RBBP8NL: variants seen among roughly 807,000 people sequenced by gnomAD.
RBBP8NL encodes the protein RBBP8 N-terminal like, also known as RBBP8 N-terminal-like protein.
RBBP8NL carries 59 observed loss-of-function variants against 62.2 expected under a neutral mutation model. The observed-to-expected ratio is 0.95, with a 90% CI of 0.77 to 1.18. RBBP8NL has a LOEUF of 1.18. Among genes scored for constraint, RBBP8NL ranks in the 50% most tolerant of loss-of-function variants. The probability of loss-of-function intolerance (pLI) is 0.00; values close to 1 mark genes in which losing one functional copy is unlikely to be tolerated. For missense variants in RBBP8NL, 896 were observed against 899.5 expected, an observed-to-expected ratio of 1.00 and a Z score of 0.05; for synonymous variants, 412 against 394.1, an observed-to-expected ratio of 1.05 and a Z score of -0.54.
chr20:62,422,636 C>CCCGGGGTGGGGATGGGGA (rs1569027864), intron 1 of RBBP8NL, among the ~76,000 whole-genome samples: 3 of 89,090 alleles, frequency 3.4e-5, no homozygotes, highest in East Asian at 3.9e-4. Context: ...GGGGATGGGG[C>CCCGGGGTGGGGATGGGGA]CCGGGGTGGG....
chr20:62,423,475 G>C (rs1225092034), intron 1 of RBBP8NL, among the ~76,000 whole-genome samples: 1 of 152,214 alleles, frequency 6.6e-6, no homozygotes, highest in Non-Finnish European at 1.5e-5. Flanking sequence ...GGAGGGCCAG[G>C]AGGGGGCGGA....
rs780047995 is a variant in RBBP8NL at position 62,415,890 on chromosome 20, G to A, written c.442C>T (p.Leu148=). Residue 148 remains leucine (L), a synonymous_variant, in exon 7 of 14, where the codon CTG becomes TTG. Transcript: ENST00000252998. Reference sequence around the variant, plus strand: ...TTCCAGCCACCAGGGGAGGGGAGCAGCAGGGGTGAGGGGGGGTCCGAGGTG... The same window carrying A: ...TTCCAGCCACCAGGGGAGGGGAGCAACAGGGGTGAGGGGGGGTCCGAGGTG... ...EGTSDPPSPL[L]LPSPGGWKAI... The A allele has an allele frequency of 1.9e-6, 3 of 1,602,582 alleles. No homozygotes were observed. Among genetic ancestry groups the A allele is most frequent in the African/African-American group, 2.7e-5 (2 of 74,518 alleles).
intron 9 of RBBP8NL, 77 bp from the exon 10 acceptor site, chr20:62,414,633 C>T (rs749696212): frequency 3.7e-5 from 51 of 1,367,642 alleles, no homozygotes; most frequent in African/African-American, 1.0e-4. Flanking sequence ...GAGGGAGAGA[C>T]GACAGGCACC....
At position 62,410,587 on chromosome 20, in the gene RBBP8NL, C is replaced by T. The variant is rs1252408878; in HGVS notation, c.*291G>A. 2.5e-5 allele frequency: 11 copies of T among 441,146 alleles called. No individual in the cohort carries two copies. Among genetic ancestry groups the T allele is most frequent in the Non-Finnish European group, 2.4e-5 (6 of 247,872 alleles). The allele number at this position is 441,146 out of a possible 1,614,324, so 27.3% of individuals were successfully genotyped here. A position where few individuals can be genotyped will look rare whatever the true frequency, so the allele number is the denominator to read the frequency against. On this transcript the variant is annotated 3_prime_UTR_variant, in exon 14 of 14. Coordinates refer to ENST00000252998, the MANE Select transcript of RBBP8NL (RefSeq NM_080833.3). ...CCAGGTGGGTGGAGACGGGGTGAAT[C>T]GCCAGCCTGAGACCCCTCTCGGTCC...
At chr20:62,417,043 T>G (rs1988584499) in intron 4 of RBBP8NL, among the ~76,000 whole-genome samples, 171 bp from the exon 5 acceptor site, 1 of 152,120 alleles carries the variant, frequency 6.6e-6, no homozygotes, top group African/African-American at 2.4e-5. Context: ...CCACTGAGTT[T>G]GGGGAGAAAT....
In RBBP8NL at chr20:62,414,465, G is replaced by A. The variant is rs772253073; in HGVS notation, c.886C>T (p.Leu296=). The A allele has an allele frequency of 2.0e-6, 3 of 1,486,102 alleles. No individual in the cohort carries two copies. The highest frequency in any genetic ancestry group is 2.7e-6 in the Non-Finnish European group (3 of 1,114,542). 92.1% of individuals were successfully genotyped at this position (1,486,102 alleles called of 1,614,324 possible). The change falls in exon 10 of 14, where the codon CTG becomes TTG. Residue 296 remains leucine, a synonymous_variant. Transcript: ENST00000252998. The stretch of plus-strand genomic sequence containing the variant: ...TGGGGGCTCTGAAGGTGCAGGGACA[G>A]GGGGCGGTTTAGGAGGCAGAGCCGG... The part of the protein sequence containing the change: ...VDRLCLLNRP[L]SLHLQSPHSS...
At chr20:62,415,705 A>AG in intron 7 of RBBP8NL, 45 bp from the exon 8 acceptor site, 1 of 1,609,774 alleles carries the variant, frequency 6.2e-7, no homozygotes, top group South Asian at 1.1e-5. Context: ...AGGTGCTCAG[A>AG]GGGGCAGCGG....
chr20:62,416,549 C>G (rs1988570972), intron 5 of RBBP8NL, among the ~76,000 whole-genome samples: 1 of 152,184 alleles, frequency 6.6e-6, no homozygotes, highest in Non-Finnish European at 1.5e-5. Flanking sequence ...TGCCCCCAGC[C>G]CAGGGGAGGG....
rs765374981 is a variant in RBBP8NL at position 62,412,630 on chromosome 20, C to T, written c.1870G>A (p.Asp624Asn). Residue 624 changes from aspartate to asparagine, a missense_variant, in exon 13 of 14, where the codon GAC (aspartate) becomes AAC (asparagine). Asp to Asn is a conservative substitution (Grantham distance 23). Coordinates refer to ENST00000252998, the MANE Select transcript of RBBP8NL (RefSeq NM_080833.3). ...RKRKRASEPG[D>N]KASKKPSRGR... is the part of the protein sequence containing the mutation. Reference sequence around the variant, plus strand: ...TGCCCCATGCCAGCTGTACCTTTGTCCCCAGGCTCCGAGGCCCGCTTCCTC... The same window carrying T: ...TGCCCCATGCCAGCTGTACCTTTGTTCCCAGGCTCCGAGGCCCGCTTCCTC... The T allele has an allele frequency of 2.5e-6, 4 of 1,604,124 alleles. No individual in the cohort carries two copies. The highest frequency in any genetic ancestry group is 3.4e-6 in the Non-Finnish European group (4 of 1,179,786).
Position 62,410,602 on chromosome 20 carries a change from C to G in RBBP8NL, c.*276G>C, listed in dbSNP as rs1988411353. 2.1e-6 allele frequency: 1 copy of G among 469,946 alleles called. No homozygotes were observed. The highest frequency in any genetic ancestry group is 3.9e-5 in the Admixed American group (1 of 25,384). 29.1% of individuals were successfully genotyped at this position (469,946 alleles called of 1,614,324 possible). On this transcript the variant is annotated 3_prime_UTR_variant, in exon 14 of 14. Coordinates refer to ENST00000252998, the MANE Select transcript of RBBP8NL (RefSeq NM_080833.3). ...CGGGGTGAATCGCCAGCCTGAGACC[C>G]CTCTCGGTCCTCCAGCCCCTCTTGA...
At chr20:62,415,315 C>A in intron 8 of RBBP8NL, 28 bp from the exon 9 acceptor site, 1 of 1,548,942 alleles carries the variant, frequency 6.5e-7, no homozygotes, top group Non-Finnish European at 8.7e-7. Flanking sequence ...TCAGCCTGGG[C>A]GGGGGCATGC....
chr20:62,419,651 T>C lies in RBBP8NL; in HGVS notation c.-4A>G. The C allele has an allele frequency of 6.2e-7, 1 of 1,612,908 alleles. No homozygotes were observed. The highest frequency in any genetic ancestry group is 1.1e-5 in the South Asian group (1 of 91,082). ...GCGACTCCATGAAGCTCTCCATGGC[T>C]CCCTGTGGCCCTGGCCCGGGCCCCT... On this transcript the variant is annotated 5_prime_UTR_variant, in exon 2 of 14. Transcript: ENST00000252998.
intron 3 of RBBP8NL, among the ~76,000 whole-genome samples, chr20:62,417,855 C>T (rs1247420246): frequency 3.0e-5 from 2 of 67,754 alleles, no homozygotes; most frequent in Admixed American, 1.5e-4. Flanking sequence ...TCCTCTGTCA[C>T]GTCTGTCCTG....
chr20:62,410,933 C>A lies in RBBP8NL; in HGVS notation c.1940G>T (p.Arg647Met). 1 of 1,613,734 alleles carries A rather than the reference C, an allele frequency of 6.2e-7. No homozygotes were observed. Among genetic ancestry groups the A allele is most frequent in the South Asian group, 1.1e-5 (1 of 91,086 alleles). ...GGAGGGACTGTGGTCCTCGGCGTCC[C>A]TTGGGCTCCCGGGCCCCTCAGTGGC... ...LTATEGPGSP[R>M]DAEDHSPSPN... The change falls in exon 14 of 14, where the codon AGG becomes ATG. Residue 647 changes from arginine to methionine, a missense_variant. Physicochemically the swap from Arg to Met is moderately conservative, Grantham distance 91. Coordinates refer to ENST00000252998, the MANE Select transcript of RBBP8NL (RefSeq NM_080833.3).
chr20:62,413,048 CAGG>C (rs1988471653), intron 11 of RBBP8NL, 148 bp from the exon 12 acceptor site: 4 of 931,280 alleles, frequency 4.3e-6, no homozygotes, highest in African/African-American at 3.3e-5. Context: ...CACTGGCTGA[CAGG>C]AGGCCGACTG....
In RBBP8NL at chr20:62,420,377, C is replaced by CACACACACAT. The variant is rs1555892551; in HGVS notation, c.-83-648_-83-647insATGTGTGTGT. Among the ~76,000 whole-genome samples the CACACACACAT allele has an allele frequency of 2.1e-3, 309 of 148,798 alleles. 3 individuals carry two copies. Among genetic ancestry groups the CACACACACAT allele is most frequent in the Middle Eastern group, 0.011 (3 of 282 alleles). ...ACACACACACACACACACACACACA[C>CACACACACAT]ACACACACACACACACAGATAGCAT... On this transcript the variant is annotated intron_variant, in intron 1 of 13. Coordinates refer to ENST00000252998, the MANE Select transcript of RBBP8NL (RefSeq NM_080833.3).
At chr20:62,419,503 T>C (rs1323939197) in intron 2 of RBBP8NL, 84 bp downstream of exon 2, 3 of 1,418,784 alleles carry the variant, frequency 2.1e-6, no homozygotes, top group African/African-American at 1.4e-5. Context: ...GAGGTGATCA[T>C]GGGTGCACAG....
At chr20:62,413,713 C>T in intron 10 of RBBP8NL, 108 bp downstream of exon 10, 1 of 1,440,948 alleles carries the variant, frequency 6.9e-7, no homozygotes, top group Non-Finnish European at 9.2e-7. Flanking sequence ...TGGGAAACAA[C>T]TTGGTGGGCA....
At chr20:62,418,672 C>T (rs1027755893) in intron 2 of RBBP8NL, among the ~76,000 whole-genome samples, 10 of 152,316 alleles carry the variant, frequency 6.6e-5, no homozygotes, top group African/African-American at 2.2e-4. Flanking sequence ...TGTTGCTTCC[C>T]CTGGGGTCTC....
Sources: gnomAD v4.1 joint callset for allele counts (sites outside exome capture counted in the v4.1 genomes callset) on GRCh38, gnomAD v4.1.1 for gene constraint, MANE v1.5 for transcripts, NCBI Gene and HGNC (gene_info 2026-07-23, HGNC 2026-07-21) for gene names.